The following TMEM260 variants were observed in gnomAD, a reference collection of about 807,000 sequenced individuals.
TMEM260 encodes the protein protein O-mannosyl-transferase TMEM260.
In TMEM260, 82 loss-of-function variants were observed where a neutral mutation model predicts 88.9. That is an observed-to-expected ratio of 0.92 (90% CI 0.77 to 1.11). The LOEUF is 1.11. TMEM260 is among the 50% of genes least tolerant of loss of function. The pLI is 0.00. For missense variants in TMEM260, 902 were observed against 853.4 expected, an observed-to-expected ratio of 1.06 and a Z score of -0.71; for synonymous variants, 314 against 309.3, an observed-to-expected ratio of 1.02 and a Z score of -0.16.
chr14:56,634,768 G>A, intron 13 of TMEM260, 131 bp from the exon 14 acceptor site: 1 of 723,056 alleles, frequency 1.4e-6, no homozygotes, highest in African/African-American at 1.8e-5. Flanking sequence ...CTTGAACCCA[G>A]GAGGTGGAGG....
intron 1 of TMEM260, among the ~76,000 whole-genome samples, chr14:56,583,975 A>G (rs1392454300): frequency 2.7e-5 from 4 of 149,264 alleles, no homozygotes; most frequent in African/African-American, 7.5e-5. Context: ...TAGACTAGGG[A>G]TGCAATCCAG....
At chr14:56,637,280 TCATG>T (rs1889176205) in intron 15 of TMEM260, among the ~76,000 whole-genome samples, 2 of 152,226 alleles carry the variant, frequency 1.3e-5, no homozygotes, top group Admixed American at 1.3e-4. Context: ...TCTGCAAAGG[TCATG>T]ACCCTGGCTA....
chr14:56,631,622 C>A (rs201075577), intron 12 of TMEM260, among the ~76,000 whole-genome samples: 243 of 116,588 alleles, frequency 2.1e-3, no homozygotes, highest in Middle Eastern at 4.3e-3. Context: ...GACTCTGTCT[C>A]AAAAAAAAAA....
chr14:56,653,741 C>CAAAAAACAAAAAAACAAAAAAAAA (rs57277000), downstream of TMEM260, among the ~76,000 whole-genome samples: 1 of 97,912 alleles, frequency 1.0e-5, no homozygotes. Flanking sequence ...GTCTCCAAAA[C>CAAAAAACAAAAAAACAAAAAAAAA]AAAAAAAAAA....
chr14:56,604,580 TAA>T (rs1410915923), intron 4 of TMEM260, among the ~76,000 whole-genome samples: 2 of 152,194 alleles, frequency 1.3e-5, no homozygotes, highest in Admixed American at 6.6e-5. Flanking sequence ...TTTGTGTTGT[TAA>T]AGAGTGTAGA....
chr14:56,581,587 G>T (rs1412300584), intron 1 of TMEM260, among the ~76,000 whole-genome samples: 1 of 152,200 alleles, frequency 6.6e-6, no homozygotes, highest in African/African-American at 2.4e-5. Context: ...TGAAGGATGG[G>T]AGTGAGATTT....
At chr14:56,597,601 GT>G (rs1886325035) in intron 3 of TMEM260, among the ~76,000 whole-genome samples, 1 of 152,154 alleles carries the variant, frequency 6.6e-6, no homozygotes, top group Non-Finnish European at 1.5e-5. Flanking sequence ...TCATTAAAGG[GT>G]TGGAGTCAGA....
At chr14:56,617,845 A>C (rs772803385) in intron 9 of TMEM260, among the ~76,000 whole-genome samples, 4 of 152,184 alleles carry the variant, frequency 2.6e-5, no homozygotes, top group Admixed American at 2.6e-4. Context: ...ATAATACCCT[A>C]CTTGATCACC....
the TMEM260 span, among the ~76,000 whole-genome samples, chr14:56,658,495 C>A: frequency 6.6e-6 from 1 of 151,998 alleles, no homozygotes; most frequent in Non-Finnish European, 1.5e-5. Context: ...CTCAGCCTCC[C>A]AAAGTGCTGG....
At position 56,648,513 on chromosome 14, in the gene TMEM260, A is replaced by G. The variant is rs1334354303; in HGVS notation, c.*1016A>G. ...GTATAGCTCCTAGACTCCAAGCACT[A>G]TATAGGCCCCTGTATAGAAATGCTC... On this transcript the variant is annotated 3_prime_UTR_variant, in exon 16 of 16. Transcript: ENST00000261556. 5.2e-5 allele frequency: 8 copies of G among 152,720 alleles called. No individual in the cohort carries two copies. Among genetic ancestry groups the G allele is most frequent in the African/African-American group, 1.7e-4 (7 of 41,556 alleles). The allele number at this position is 152,720 out of a possible 1,614,324, so 9.5% of individuals were successfully genotyped here.
At chr14:56,625,061 A>T (rs146775761) in intron 11 of TMEM260, among the ~76,000 whole-genome samples, 5 of 152,300 alleles carry the variant, frequency 3.3e-5, no homozygotes, top group Non-Finnish European at 7.4e-5. Flanking sequence ...CACAGCAGTA[A>T]TGCTGGCCCC....
At chr14:56,604,929 T>A (rs1959063) in intron 4 of TMEM260, among the ~76,000 whole-genome samples, 127,112 of 152,182 alleles carry the variant, frequency 0.84, 53,335 homozygotes, top group East Asian at 0.99. Context: ...GTGATCAGAC[T>A]TCACCTAGGG....
At chr14:56,653,742 A>AAAAAAAAAAAAAAC (rs1382046092), downstream of TMEM260, among the ~76,000 whole-genome samples, 5,528 of 65,160 alleles carry the variant, frequency 0.085, 475 homozygotes, top group African/African-American at 0.15. Flanking sequence ...TCTCCAAAAC[A>AAAAAAAAAAAAAAC]AAAAAAAAAA....
At chr14:56,580,403 C>T (rs1376519962) in intron 1 of TMEM260, among the ~76,000 whole-genome samples, 3 of 152,180 alleles carry the variant, frequency 2.0e-5, no homozygotes, top group East Asian at 3.8e-4. Flanking sequence ...ATATTATTCA[C>T]GGTGTCCTTA....
In TMEM260 at chr14:56,589,479, T is replaced by G. The variant is rs529997616; in HGVS notation, c.344+3567T>G. ...TACAAAGTTACTATTAAATAGGCAG[T>G]TTTTCAAATATTTTTTCAAAAAGGT... On this transcript the variant is annotated intron_variant, in intron 3 of 15. Coordinates refer to ENST00000261556, the MANE Select transcript of TMEM260 (RefSeq NM_017799.4). 4.6e-5 allele frequency among the ~76,000 whole-genome samples: 7 copies of G among 152,236 alleles called. No individual in the cohort carries two copies. The South Asian group carries it at 1.4e-3, about 32-fold the overall frequency.
chr14:56,639,985 G>T (rs1007889094), intron 15 of TMEM260, among the ~76,000 whole-genome samples: 1 of 152,218 alleles, frequency 6.6e-6, no homozygotes, highest in African/African-American at 2.4e-5. Flanking sequence ...AAGCAGCTGG[G>T]AAGCTCGAAC....
chr14:56,637,252 T>C (rs546531025), intron 15 of TMEM260, among the ~76,000 whole-genome samples: 1 of 152,208 alleles, frequency 6.6e-6, no homozygotes, highest in Admixed American at 6.5e-5. Context: ...TTAAAACAAG[T>C]TCTAGCTGGT....
At chr14:56,621,759 G>A in intron 11 of TMEM260, 57 bp downstream of exon 11, 8 of 1,451,584 alleles carry the variant, frequency 5.5e-6, no homozygotes, top group Non-Finnish European at 2.8e-6. Context: ...CATATGTTTT[G>A]GAAAAAACAT....
intron 5 of TMEM260, among the ~76,000 whole-genome samples, chr14:56,607,028 A>G (rs1886954460): frequency 6.6e-6 from 1 of 152,248 alleles, no homozygotes; most frequent in South Asian, 2.1e-4. Flanking sequence ...TAAACAGCAT[A>G]ACAGGCAGTG....
Sources: gnomAD v4.1 joint callset for allele counts (sites outside exome capture counted in the v4.1 genomes callset) on GRCh38, gnomAD v4.1.1 for gene constraint, MANE v1.5 for transcripts, NCBI Gene and HGNC (gene_info 2026-07-23, HGNC 2026-07-21) for gene names.